DNAH1: variants seen among roughly 807,000 people sequenced by gnomAD.
DNAH1 encodes axonemal beta dynein heavy chain 1.
A neutral mutation model predicts 484.3 loss-of-function variants in DNAH1; 327 were observed. The observed-to-expected ratio is 0.68, with a 90% CI of 0.62 to 0.74. DNAH1 has a LOEUF of 0.74. Among genes scored for constraint, DNAH1 ranks in the 30% least tolerant of loss-of-function variants. The pLI is 0.00. For synonymous variants in DNAH1, 2,192 were observed against 2,191.9 expected (o/e 1.00, Z 0.00); for missense variants, 5,052 against 5,546.8 (o/e 0.91, Z 2.83).
chr3:52,381,552 C>A lies in DNAH1; in HGVS notation c.7609-88C>A. Reference sequence around the variant, plus strand: ...AGGCACCTGTGCTTCTCAGTCAGGACAGAGAAGAAAGCGGGTGGGTGGGGG... The same window carrying A: ...AGGCACCTGTGCTTCTCAGTCAGGAAAGAGAAGAAAGCGGGTGGGTGGGGG... On this transcript the variant is annotated intron_variant, in intron 48 of 77. Transcript: ENST00000420323. The surrounding 1 kb of genome is among the most constrained non-coding windows in gnomAD (Gnocchi z 4.1). 1 of 1,313,638 alleles carries A rather than the reference C, an allele frequency of 7.6e-7. No individual in the cohort carries two copies. Among genetic ancestry groups the A allele is most frequent in the Non-Finnish European group, 1.0e-6 (1 of 955,990 alleles). The allele number at this position is 1,313,638 out of a possible 1,614,324, so 81.4% of individuals were successfully genotyped here. A position where few individuals can be genotyped will look rare whatever the true frequency, so the allele number is the denominator to read the frequency against.
At chr3:52,343,735 G>C (rs1214669884) in intron 8 of DNAH1, among the ~76,000 whole-genome samples, 2 of 152,178 alleles carry the variant, frequency 1.3e-5, no homozygotes, top group Non-Finnish European at 2.9e-5. Context: ...AGAGATCGAT[G>C]GCAGAGACCA....
intron 71 of DNAH1, 36 bp from the exon 72 acceptor site, chr3:52,396,582 C>T: frequency 6.2e-7 from 1 of 1,611,312 alleles, no homozygotes; most frequent in Non-Finnish European, 8.5e-7. Flanking sequence ...GCCCCCGTCC[C>T]CGCTCCTCAC....
rs373692075 is a variant in DNAH1 at position 52,353,307 on chromosome 3, G to A, written c.3226+6G>A. On this transcript the variant is annotated splice_donor_region_variant and intron_variant, in intron 19 of 77. Coordinates refer to ENST00000420323, the MANE Select transcript of DNAH1 (RefSeq NM_015512.5). The surrounding 1 kb of genome is among the most constrained non-coding windows in gnomAD (Gnocchi z 5.0). ...GCAGTTTAAGGACATGCCAGGTAGG[G>A]AGCCAAGCCGGCCAATCCCCTCCTC... 1.2e-5 allele frequency: 19 copies of A among 1,611,452 alleles called. No homozygotes were observed. The highest frequency in any genetic ancestry group is 1.5e-5 in the Non-Finnish European group (18 of 1,178,070).
rs757791993 is a variant in DNAH1, at chr3:52,395,938, CTTT to C, written c.11259+276_11259+278del. 2.3e-5 allele frequency among the ~76,000 whole-genome samples: 3 copies of C among 133,044 alleles called. No individual in the cohort carries two copies. The highest frequency in any genetic ancestry group is 4.8e-5 in the Non-Finnish European group (3 of 63,094). 87.3% of individuals were successfully genotyped at this position (133,044 alleles called of 152,430 possible). ...CCGTGACCTGGGACTTGCCAAAGCC[CTTT>C]TTTTTTTTTTTTTTTCAGACGGAGT... On this transcript the variant is annotated intron_variant, in intron 70 of 77. Coordinates refer to ENST00000420323, the MANE Select transcript of DNAH1 (RefSeq NM_015512.5). This position sits in a 1 kb window ranked among gnomAD's most constrained non-coding sequence, Gnocchi z 4.4.
Position 52,396,752 on chromosome 3 carries a change from C to T in DNAH1, c.11565C>T (p.Ser3855=). Residue 3855 remains serine (S), a synonymous_variant, in exon 72 of 78, where the codon AGC becomes AGT. Coordinates refer to ENST00000420323, the MANE Select transcript of DNAH1 (RefSeq NM_015512.5). ...FTDGDLRICI[S]QLKMFLDEYD... ...ATGGAGATCTGCGCATCTGCATCAG[C>T]CAGCTCAAGATGTTCCTGGACGAAT... 1 of 1,613,774 alleles carries T rather than the reference C, an allele frequency of 6.2e-7. No individual in the cohort carries two copies. The highest frequency in any genetic ancestry group is 8.5e-7 in the Non-Finnish European group (1 of 1,179,882).
intron 32 of DNAH1, among the ~76,000 whole-genome samples, 190 bp downstream of exon 32, chr3:52,363,334 T>A (rs757616060): frequency 2.0e-5 from 3 of 152,178 alleles, no homozygotes; most frequent in Admixed American, 2.0e-4. Flanking sequence ...AGGTCCTAGG[T>A]AGCTAAAGGT....
At chr3:52,399,905 A>G in intron 77 of DNAH1, 126 bp downstream of exon 77, 1 of 1,000,374 alleles carries the variant, frequency 1.0e-6, no homozygotes, top group South Asian at 1.6e-5. Context: ...GGGCCAGGCC[A>G]GCAAGCAGCA....
chr3:52,396,507 T>C lies in DNAH1; in HGVS notation c.11399T>C (p.Leu3800Pro). 1 of 1,611,068 alleles carries C rather than the reference T, an allele frequency of 6.2e-7. No individual in the cohort carries two copies. The highest frequency in any genetic ancestry group is 2.2e-5 in the East Asian group (1 of 44,736). ...RANLLKSYSS[L>P]GEDFLNSCHK... is the part of the protein sequence containing the mutation. ...AACCTGCTGAAGTCCTATAGTAGCC[T>C]TGGTGAAGACTTCCTCAACTCCTGC... Residue 3800 changes from leucine (L) to proline (P), a missense_variant, in exon 71 of 78, where the codon CTT becomes CCT. This residue lies in a region of DNAH1 where 853 missense variants were observed against 899.0 expected (regional missense o/e 0.95). Transcript: ENST00000420323.
At chr3:52,374,354 C>G (rs865869588) in intron 44 of DNAH1, 11 of 1,482,774 alleles carry the variant, frequency 7.4e-6, no homozygotes, top group Admixed American at 6.7e-5. Context: ...TCTACCACCC[C>G]CAGCTGGCAT....
At chr3:52,354,120 C>A (rs1203663520) in intron 20 of DNAH1, among the ~76,000 whole-genome samples, 1 of 151,908 alleles carries the variant, frequency 6.6e-6, no homozygotes, top group Non-Finnish European at 1.5e-5. Flanking sequence ...GGTGATTATG[C>A]CACTGCACTC....
intron 77 of DNAH1, 112 bp downstream of exon 77, chr3:52,399,891 A>G: frequency 8.5e-7 from 1 of 1,176,648 alleles, no homozygotes; most frequent in Non-Finnish European, 1.2e-6. Context: ...GACAACAGAG[A>G]TTTGGGCCAG....
intron 73 of DNAH1, 103 bp downstream of exon 73, chr3:52,397,147 C>T (rs770788391): frequency 2.1e-5 from 22 of 1,063,084 alleles, no homozygotes; most frequent in South Asian, 3.3e-5. Flanking sequence ...CAGCCCCCAC[C>T]CTCCATCAGC....
intron 28 of DNAH1, 106 bp downstream of exon 28, chr3:52,360,530 A>C (rs1424700769): frequency 5.4e-6 from 5 of 927,140 alleles, no homozygotes; most frequent in Non-Finnish European, 8.3e-6. Context: ...CTAGTCCATC[A>C]GAGCAGTACA....
At chr3:52,315,319 C>T (rs1700913854), upstream of DNAH1, among the ~76,000 whole-genome samples, 1 of 152,236 alleles carries the variant, frequency 6.6e-6, no homozygotes, top group Non-Finnish European at 1.5e-5. Flanking sequence ...TGCCTGTCAC[C>T]TTCCGTTCTG....
chr3:52,352,140 C>G, intron 17 of DNAH1, 37 bp downstream of exon 17: 1 of 1,554,890 alleles, frequency 6.4e-7, no homozygotes, highest in Non-Finnish European at 8.7e-7. Flanking sequence ...TGGACACAGC[C>G]CCCACCACAC....
chr3:52,330,723 A>C (rs1701513285), intron 6 of DNAH1, among the ~76,000 whole-genome samples: 2 of 152,202 alleles, frequency 1.3e-5, no homozygotes. Flanking sequence ...GGGACTGAGC[A>C]GCCAGGGGCA....
At position 52,369,841 on chromosome 3, in the gene DNAH1, T is replaced by C; in HGVS notation, c.5960T>C (p.Phe1987Ser). 6.2e-7 allele frequency: 1 copy of C among 1,609,646 alleles called. No individual in the cohort carries two copies. The highest frequency in any genetic ancestry group is 8.5e-7 in the Non-Finnish European group (1 of 1,176,662). The change falls in exon 38 of 78, where the codon TTC becomes TCC. Residue 1987 changes from phenylalanine (F) to serine (S), a missense_variant. Transcript: ENST00000420323. ...TGGCACCAGGCAATGACCATGATGT[T>C]CGAGGTGCAAGACCTGGCGGTGGCT... Reference protein sequence around the residue: ...IKLTEAMTMMFEVQDLAVASP... With the variant: ...IKLTEAMTMMSEVQDLAVASP...
Position 52,396,901 on chromosome 3 carries a change from G to C in DNAH1, c.11644G>C (p.Gly3882Arg). The change falls in exon 73 of 78, where the codon GGG becomes CGG. Residue 3882 changes from glycine (G) to arginine (R), a missense_variant. Gly to Arg is a moderately radical substitution (Grantham distance 125, BLOSUM62 -2). Coordinates refer to ENST00000420323, the MANE Select transcript of DNAH1 (RefSeq NM_015512.5). ...GTACACGGCAGGGGAGATCAATTAC[G>C]GGGGCCGTGTCACTGATGACTGGGA... Reference protein sequence around the residue: ...LKYTAGEINYGGRVTDDWDRR... With the variant: ...LKYTAGEINYRGRVTDDWDRR... The C allele has an allele frequency of 4.4e-6, 7 of 1,608,624 alleles. No homozygotes were observed. The highest frequency in any genetic ancestry group is 5.9e-6 in the Non-Finnish European group (7 of 1,177,478).
chr3:52,380,078 C>G lies in DNAH1; in HGVS notation c.7551C>G (p.Asp2517Glu), dbSNP rs1384397585. The G allele has an allele frequency of 6.2e-7, 1 of 1,605,754 alleles. No homozygotes were observed. Residue 2517 changes from aspartate to glutamate, a missense_variant, in exon 48 of 78, where the codon GAC becomes GAG. By Grantham distance (45) the Asp-to-Glu change is conservative. Coordinates refer to ENST00000420323, the MANE Select transcript of DNAH1 (RefSeq NM_015512.5). The part of the protein sequence containing the change: ...VCPFQPILYG[D>E]FMSPGSDVKS... ...CCTTCCAGCCCATTCTTTACGGGGA[C>G]TTCATGTCACCAGGCTCCGATGTCA...
Sources: allele counts gnomAD v4.1 joint callset (sites outside exome capture counted in the v4.1 genomes callset), GRCh38; gene constraint gnomAD v4.1.1; regional missense constraint gnomAD v4.1.1; non-coding constraint Gnocchi (gnomAD v3.1); transcripts MANE v1.5; gene names NCBI Gene and HGNC (gene_info 2026-07-23, HGNC 2026-07-21).